KATNIP: variants seen among roughly 807,000 people sequenced by gnomAD.
The protein encoded by KATNIP is katanin-interacting protein.
In KATNIP, 126 loss-of-function variants were observed where a neutral mutation model predicts 174.0. The observed-to-expected ratio is 0.72, with a 90% CI of 0.63 to 0.84. The LOEUF is 0.84. KATNIP is among the 40% of genes least tolerant of loss of function. The pLI, the probability that KATNIP is intolerant of heterozygous loss-of-function variation, is 0.00. For synonymous variants in KATNIP, 810 were observed against 835.7 expected, an observed-to-expected ratio of 0.97 and a Z score of 0.53; for missense variants, 1,958 against 2,109.7, an observed-to-expected ratio of 0.93 and a Z score of 1.41.
At chr16:27,555,847 A>T (rs895629926) in intron 1 of KATNIP, among the ~76,000 whole-genome samples, 1 of 151,804 alleles carries the variant, frequency 6.6e-6, no homozygotes, top group Non-Finnish European at 1.5e-5. Flanking sequence ...AAAAAAAAAA[A>T]AAGTTCCTAC....
intron 6 of KATNIP, among the ~76,000 whole-genome samples, chr16:27,653,623 G>A (rs1275070943): frequency 6.6e-6 from 1 of 151,730 alleles, no homozygotes; most frequent in Non-Finnish European, 1.5e-5. Flanking sequence ...CACATAAATG[G>A]GATTATACCA....
intron 1 of KATNIP, among the ~76,000 whole-genome samples, chr16:27,570,752 C>G (rs1225105693): frequency 6.6e-6 from 1 of 152,114 alleles, no homozygotes; most frequent in Non-Finnish European, 1.5e-5. Flanking sequence ...GAAGTCATCT[C>G]TGCAATTTTG....
At chr16:27,574,220 G>A in intron 2 of KATNIP, 2 of 468,580 alleles carry the variant, frequency 4.3e-6, no homozygotes, top group Non-Finnish European at 7.8e-6. Flanking sequence ...GATTTTAGTG[G>A]CTTAAAACAA....
intron 19 of KATNIP, among the ~76,000 whole-genome samples, chr16:27,763,108 G>A (rs2144060264): frequency 6.6e-6 from 1 of 152,010 alleles, no homozygotes; most frequent in African/African-American, 2.4e-5. Context: ...TTGAGCCCAG[G>A]AATTCGAGAC....
At chr16:27,585,687 A>G (rs2090869374) in intron 2 of KATNIP, among the ~76,000 whole-genome samples, 1 of 152,226 alleles carries the variant, frequency 6.6e-6, no homozygotes. Flanking sequence ...CAAACTTCAC[A>G]TGTTCTCACT....
chr16:27,596,596 A>G (rs932041487), intron 2 of KATNIP, among the ~76,000 whole-genome samples: 1 of 152,182 alleles, frequency 6.6e-6, no homozygotes, highest in Admixed American at 6.5e-5. Context: ...TTATGCAAGT[A>G]ATGCATGAAA....
chr16:27,568,909 G>A (rs895262116), intron 1 of KATNIP, among the ~76,000 whole-genome samples: 3 of 152,104 alleles, frequency 2.0e-5, no homozygotes, highest in African/African-American at 7.2e-5. Context: ...CTCGATGGGA[G>A]TGAGGGTCTA....
At chr16:27,651,658 C>T (rs78503411) in intron 6 of KATNIP, among the ~76,000 whole-genome samples, 2,381 of 152,276 alleles carry the variant, frequency 0.016, 31 homozygotes, top group Middle Eastern at 0.024. Flanking sequence ...TGTTCTGTTG[C>T]CCTCCACCCC....
chr16:27,598,928 G>A (rs1261578811), intron 2 of KATNIP, among the ~76,000 whole-genome samples: 3 of 152,336 alleles, frequency 2.0e-5, no homozygotes, highest in East Asian at 3.9e-4. Context: ...GTTGAGACAA[G>A]GAGCTGGGGT....
At chr16:27,702,965 G>A (rs529511738) in intron 11 of KATNIP, among the ~76,000 whole-genome samples, 2 of 152,238 alleles carry the variant, frequency 1.3e-5, no homozygotes, top group South Asian at 4.2e-4. Context: ...TCAGGAGGTC[G>A]ACACCAGCCT....
chr16:27,742,244 G>A (rs967921874), intron 15 of KATNIP, among the ~76,000 whole-genome samples: 2 of 152,086 alleles, frequency 1.3e-5, no homozygotes, highest in Non-Finnish European at 2.9e-5. Context: ...AAACTCAGCC[G>A]CTTACAGACC....
At chr16:27,635,086 G>A (rs1279235564) in intron 5 of KATNIP, among the ~76,000 whole-genome samples, 2 of 152,158 alleles carry the variant, frequency 1.3e-5, no homozygotes, top group African/African-American at 4.8e-5. Context: ...ACTGGCTAGC[G>A]TGAGTTGTTT....
At chr16:27,584,871 A>T (rs2090834622) in intron 2 of KATNIP, among the ~76,000 whole-genome samples, 1 of 152,140 alleles carries the variant, frequency 6.6e-6, no homozygotes, top group Non-Finnish European at 1.5e-5. Context: ...TATTATCCTT[A>T]TCTTACATGA....
chr16:27,744,955 T>C (rs1372399241), intron 15 of KATNIP, among the ~76,000 whole-genome samples: 2 of 151,866 alleles, frequency 1.3e-5, no homozygotes, highest in Non-Finnish European at 2.9e-5. Flanking sequence ...AGAAAATAAA[T>C]TTAATTAATT....
chr16:27,664,583 C>G (rs1018557712), intron 6 of KATNIP, among the ~76,000 whole-genome samples: 4 of 152,302 alleles, frequency 2.6e-5, no homozygotes, highest in African/African-American at 9.6e-5. Context: ...TGGAAACTCT[C>G]ATACTCATTA....
intron 2 of KATNIP, among the ~76,000 whole-genome samples, chr16:27,613,613 G>T (rs2075959436): frequency 6.6e-6 from 1 of 152,222 alleles, no homozygotes; most frequent in South Asian, 2.1e-4. Context: ...GAAGATGCAT[G>T]GGAGGGTTTC....
chr16:27,720,827 G>T, intron 13 of KATNIP, among the ~76,000 whole-genome samples: 1 of 152,208 alleles, frequency 6.6e-6, no homozygotes, highest in Non-Finnish European at 1.5e-5. Context: ...TTGTCCCACT[G>T]GAGAGTGAAT....
chr16:27,677,873 G>C lies in KATNIP; in HGVS notation c.685G>C (p.Asp229His), dbSNP rs763584943. 10 of 1,614,224 alleles carry C rather than the reference G, an allele frequency of 6.2e-6. No individual in the cohort carries two copies. In the South Asian group the frequency reaches 1.1e-4, roughly 18 times the overall value. ...GGCACTGGTGGGCCATCCCAGACAT[G>C]ACCGCCCTCCTTCCAGTGGCGACTG... ...DPALVGHPRH[D>H]RPPSSGDWTQ... Residue 229 changes from aspartate (D) to histidine (H), a missense_variant, in exon 7 of 28, where the codon GAC becomes CAC. By Grantham distance (81) the Asp-to-His change is moderately conservative (BLOSUM62 -1). Transcript: ENST00000261588.
intron 2 of KATNIP, among the ~76,000 whole-genome samples, chr16:27,580,569 C>T (rs17506193): frequency 0.016 from 2,482 of 152,300 alleles, 33 homozygotes; most frequent in Non-Finnish European, 0.021. Context: ...CAGGAGGCAA[C>T]GACTATAATC....
Sources: allele counts gnomAD v4.1 joint callset (sites outside exome capture counted in the v4.1 genomes callset), GRCh38; gene constraint gnomAD v4.1.1; transcripts MANE v1.5; gene names NCBI Gene and HGNC (gene_info 2026-07-23, HGNC 2026-07-21).